TMC5: variants seen among roughly 807,000 people sequenced by gnomAD.
TMC5 encodes the protein transmembrane channel like 5.
A neutral mutation model predicts 110.5 loss-of-function variants in TMC5; 86 were observed. The ratio of observed to expected loss-of-function variants is 0.78; its 90% confidence interval spans 0.65 to 0.93. The LOEUF is 0.93. Ranked by LOEUF, TMC5 falls within the 40% of genes least tolerant of loss-of-function variation. TMC5 has a pLI of 0.00. For missense variants in TMC5, 1,144 were observed against 1,222.8 expected (o/e 0.94, Z 0.96); for synonymous variants, 455 against 439.5 (o/e 1.04, Z -0.44).
At chr16:19,424,251 C>T (rs1967044194) in intron 1 of TMC5, among the ~76,000 whole-genome samples, 1 of 152,202 alleles carries the variant, frequency 6.6e-6, no homozygotes, top group Non-Finnish European at 1.5e-5. Flanking sequence ...TCTAGAATGG[C>T]TCACACAACT....
At chr16:19,421,089 A>C (rs898088293) in intron 1 of TMC5, among the ~76,000 whole-genome samples, 84 of 152,272 alleles carry the variant, frequency 5.5e-4, no homozygotes, top group African/African-American at 1.9e-3. Context: ...CCTGGATCGC[A>C]AGGTTGTGTC....
chr16:19,456,678 T>G lies in TMC5; in HGVS notation c.1049-3557T>G, dbSNP rs745367208. 1.0e-5 allele frequency: 16 copies of G among 1,587,870 alleles called. No individual in the cohort carries two copies. In the African/African-American group the frequency reaches 1.3e-4, roughly 13 times the overall value. On this transcript the variant is annotated intron_variant, in intron 5 of 21. Coordinates refer to ENST00000542583, the MANE Select transcript of TMC5 (RefSeq NM_001261841.2). ...TGAAGTCTCAGGAAGCCCACCCCAGTGGAGAAGAAGGCTTGCAGGAGGCAG... is the reference window on the plus strand; with the variant it reads ...TGAAGTCTCAGGAAGCCCACCCCAGGGGAGAAGAAGGCTTGCAGGAGGCAG...
intron 2 of TMC5, among the ~76,000 whole-genome samples, chr16:19,432,469 C>G (rs1597163724): frequency 6.6e-6 from 1 of 152,152 alleles, no homozygotes; most frequent in South Asian, 2.1e-4. Context: ...CAACAGGAAA[C>G]AGTATCATTC....
At chr16:19,495,336 A>C (rs1277546028) in intron 20 of TMC5, among the ~76,000 whole-genome samples, 1 of 151,880 alleles carries the variant, frequency 6.6e-6, no homozygotes, top group African/African-American at 2.4e-5. Context: ...TATTCTTGCA[A>C]ATCTATTTCC....
At position 19,479,450 on chromosome 16, in the gene TMC5, G is replaced by T; in HGVS notation, c.2189G>T (p.Gly730Val). 1 of 1,613,994 alleles carries T rather than the reference G, an allele frequency of 6.2e-7. No individual in the cohort carries two copies. Among genetic ancestry groups the T allele is most frequent in the Non-Finnish European group, 8.5e-7 (1 of 1,179,932 alleles). The change falls in exon 14 of 22, where the codon GGC (glycine) becomes GTC (valine). Residue 730 changes from glycine to valine, a missense_variant. Coordinates refer to ENST00000542583, the MANE Select transcript of TMC5 (RefSeq NM_001261841.2). ...SGEECWETLI[G>V]QDIYRLLLMD... ...TTCCAGTGTTGGGAAACCCTCATTG[G>T]CCAGGACATCTACCGGCTCCTTCTG...
At chr16:19,430,111 G>A (rs1440986339) in intron 1 of TMC5, among the ~76,000 whole-genome samples, 6 of 152,310 alleles carry the variant, frequency 3.9e-5, no homozygotes, top group Non-Finnish European at 5.9e-5. Context: ...CTTCCAGACA[G>A]GGAAGAGGAC....
At chr16:19,480,761 C>T (rs534828279) in intron 14 of TMC5, among the ~76,000 whole-genome samples, 73 of 139,496 alleles carry the variant, frequency 5.2e-4, no homozygotes, top group South Asian at 2.0e-3. Flanking sequence ...GCCGAGAGGG[C>T]GACATTGCCC....
intron 13 of TMC5, among the ~76,000 whole-genome samples, chr16:19,477,954 G>T (rs1465695362): frequency 6.6e-6 from 1 of 152,078 alleles, no homozygotes; most frequent in East Asian, 1.9e-4. Flanking sequence ...AGATACCCTG[G>T]GCTTTACCAA....
rs760586337 is a variant in TMC5 at position 19,466,151 on chromosome 16, G to C, written c.1555G>C (p.Gly519Arg). The C allele has an allele frequency of 1.9e-6, 3 of 1,614,066 alleles. No homozygotes were observed. The highest frequency in any genetic ancestry group is 2.5e-6 in the Non-Finnish European group (3 of 1,180,026). ...TNSTIQHGNS[G>R]ASYNMQLAYI... ...TTCCACCATCCAGCACGGGAACAGCGGGGCATCCTACAACATGCAGCTGGC... is the reference window on the plus strand; with the variant it reads ...TTCCACCATCCAGCACGGGAACAGCCGGGCATCCTACAACATGCAGCTGGC... The change falls in exon 9 of 22, where the codon GGG (glycine) becomes CGG (arginine). Residue 519 changes from glycine to arginine, a missense_variant. Gly to Arg is a moderately radical substitution (Grantham distance 125, BLOSUM62 -2). Coordinates refer to ENST00000542583, the MANE Select transcript of TMC5 (RefSeq NM_001261841.2).
chr16:19,491,881 AC>A (rs1968916922), intron 18 of TMC5, among the ~76,000 whole-genome samples: 2 of 151,998 alleles, frequency 1.3e-5, no homozygotes, highest in Non-Finnish European at 2.9e-5. Flanking sequence ...AGAAAGCAAT[AC>A]CTGCTTTTCT....
intron 10 of TMC5, among the ~76,000 whole-genome samples, chr16:19,470,420 C>G (rs1968307414): frequency 6.6e-6 from 1 of 152,102 alleles, no homozygotes; most frequent in Admixed American, 6.6e-5. Context: ...CTCCTAGCCT[C>G]AAGTGATCCA....
intron 11 of TMC5, 59 bp downstream of exon 11, chr16:19,472,302 G>T: frequency 6.3e-7 from 1 of 1,585,374 alleles, no homozygotes; most frequent in Non-Finnish European, 8.6e-7. Context: ...GATGCTGGAG[G>T]GGAAGGGTGG....
At position 19,440,822 on chromosome 16, in the gene TMC5, A is replaced by G; in HGVS notation, c.784A>G (p.Arg262Gly). Residue 262 changes from arginine (R) to glycine (G), a missense_variant, in exon 3 of 22, where the codon AGG becomes GGG. By Grantham distance (125) the Arg-to-Gly change is moderately radical. Coordinates refer to ENST00000542583, the MANE Select transcript of TMC5 (RefSeq NM_001261841.2). ...YGSSETPKMTRGVLSRTSSIQ... is the reference protein window; with the variant it reads ...YGSSETPKMTGGVLSRTSSIQ... ...CTCTTCTGAGACCCCAAAGATGACC[A>G]GGGGGTAAGTTCAGATATATATCCC... 6.2e-7 allele frequency: 1 copy of G among 1,612,208 alleles called. No homozygotes were observed. Among genetic ancestry groups the G allele is most frequent in the South Asian group, 1.1e-5 (1 of 90,936 alleles).
chr16:19,418,312 T>A (rs1966902916), intron 1 of TMC5, among the ~76,000 whole-genome samples: 2 of 152,136 alleles, frequency 1.3e-5, no homozygotes, highest in African/African-American at 4.8e-5. Flanking sequence ...GCCCTAGGGT[T>A]ATCTGCTTGA....
At chr16:19,456,656 A>G in intron 5 of TMC5, 1 of 1,566,734 alleles carries the variant, frequency 6.4e-7, no homozygotes. Context: ...TGCTGTATGA[A>G]GTCTCAGGAA....
intron 5 of TMC5, among the ~76,000 whole-genome samples, 159 bp from the exon 6 acceptor site, chr16:19,460,076 T>A (rs1409043895): frequency 6.7e-6 from 1 of 149,814 alleles, no homozygotes; most frequent in Non-Finnish European, 1.5e-5. Context: ...CTTTAACACA[T>A]ATATGTGTTT....
At chr16:19,481,569 G>T in intron 15 of TMC5, 104 bp downstream of exon 15, 1 of 825,484 alleles carries the variant, frequency 1.2e-6, no homozygotes, top group East Asian at 2.5e-5. Flanking sequence ...AAGCTGCAGG[G>T]GTGATAACCC....
chr16:19,482,325 GT>G (rs1968639696), intron 15 of TMC5, among the ~76,000 whole-genome samples: 1 of 152,184 alleles, frequency 6.6e-6, no homozygotes, highest in African/African-American at 2.4e-5. Flanking sequence ...ATCCCAAAGT[GT>G]TGGGATTACA....
At chr16:19,441,590 G>A (rs1408499766) in intron 3 of TMC5, among the ~76,000 whole-genome samples, 1 of 152,052 alleles carries the variant, frequency 6.6e-6, no homozygotes. Context: ...ACCATGCCCG[G>A]CCATGTTTGC....
Sources: gnomAD v4.1 joint callset for allele counts (sites outside exome capture counted in the v4.1 genomes callset) on GRCh38, gnomAD v4.1.1 for gene constraint, MANE v1.5 for transcripts, NCBI Gene and HGNC (gene_info 2026-07-23, HGNC 2026-07-21) for gene names.